HMCN1: variants seen among roughly 807,000 people sequenced by gnomAD.
The protein encoded by HMCN1 is hemicentin-1.
HMCN1 carries 321 observed loss-of-function variants against 625.9 expected under a neutral mutation model. The observed-to-expected ratio is 0.51, with a 90% confidence interval of 0.47 to 0.56. The LOEUF (loss-of-function observed/expected upper bound fraction) is 0.56, where lower values mean the gene tolerates loss of function less well. Ranked by LOEUF, HMCN1 falls within the 20% of genes least tolerant of loss-of-function variation. The probability of loss-of-function intolerance (pLI) is 0.00; values close to 1 mark genes in which losing one functional copy is unlikely to be tolerated. For missense variants in HMCN1, 6,588 were observed against 6,887.3 expected, an observed-to-expected ratio of 0.96 and a Z score of 1.54; for synonymous variants, 2,425 against 2,417.6, an observed-to-expected ratio of 1.00 and a Z score of -0.09.
intron 2 of HMCN1, among the ~76,000 whole-genome samples, chr1:185,858,881 G>T (rs1327900103): frequency 6.6e-6 from 1 of 151,576 alleles, no homozygotes; most frequent in African/African-American, 2.4e-5. Context: ...CTCTGACTTT[G>T]TGAGGCTTAT....
At position 186,087,790 on chromosome 1, in the gene HMCN1, TA is replaced by T. The variant is rs1158706126; in HGVS notation, c.9364-136del. ...TAGCCAATGCCATTGACTATTTTTA[TA>T]AAAAATAGCAAGATTGCAGAAGGCA... On this transcript the variant is annotated intron_variant, in intron 60 of 106. Coordinates refer to ENST00000271588, the MANE Select transcript of HMCN1 (RefSeq NM_031935.3). 42 of 1,151,260 alleles carry T rather than the reference TA, an allele frequency of 3.6e-5. No homozygotes were observed. The East Asian group carries it at 9.3e-4, about 25-fold the overall frequency. The allele number at this position is 1,151,260 out of a possible 1,614,324, so 71.3% of individuals were successfully genotyped here. A position where few individuals can be genotyped will look rare whatever the true frequency, so the allele number is the denominator to read the frequency against.
chr1:186,183,846 A>T (rs1197994770), intron 105 of HMCN1, among the ~76,000 whole-genome samples: 1 of 152,040 alleles, frequency 6.6e-6, no homozygotes, highest in Non-Finnish European at 1.5e-5. Context: ...CTTTGTCCAG[A>T]TATTACCACT....
rs780687562 is a variant in HMCN1, at chr1:186,166,901, G to A, written c.15533G>A (p.Gly5178Glu). 4.3e-6 allele frequency: 7 copies of A among 1,614,144 alleles called. No homozygotes were observed. Among genetic ancestry groups the A allele is most frequent in the South Asian group, 3.3e-5 (3 of 91,078 alleles). Residue 5178 changes from glycine (G) to glutamate (E), a missense_variant, in exon 100 of 107, where the codon GGA (glycine) becomes GAA (glutamate). This residue lies in a region of HMCN1 where 1,954 missense variants were observed against 2,013.1 expected (regional missense o/e 0.97). Coordinates refer to ENST00000271588, the MANE Select transcript of HMCN1 (RefSeq NM_031935.3). ...TCTTATCGCTGTGTGGTCCGTTGTG[G>A]AAGTGGCTTTCGAAGAACCTCTGAT... Reference protein sequence around the residue: ...IGSYRCVVRCGSGFRRTSDGL... With the variant: ...IGSYRCVVRCESGFRRTSDGL...
intron 11 of HMCN1, among the ~76,000 whole-genome samples, chr1:185,961,995 T>A (rs1269582985): frequency 6.6e-6 from 1 of 152,174 alleles, no homozygotes; most frequent in East Asian, 1.9e-4. Context: ...ATGCAAGGGA[T>A]GTTAAATGCT....
chr1:185,806,546 C>A (rs1298055910), intron 1 of HMCN1, among the ~76,000 whole-genome samples: 35 of 103,328 alleles, frequency 3.4e-4, no homozygotes, highest in South Asian at 6.8e-4. Context: ...GACCCTGTCT[C>A]AAAAAAAAAA....
chr1:186,037,605 C>T (rs1382149431), intron 36 of HMCN1, among the ~76,000 whole-genome samples: 3 of 152,038 alleles, frequency 2.0e-5, no homozygotes, highest in Non-Finnish European at 4.4e-5. Flanking sequence ...CTAATTACTT[C>T]TTGGTAAAGA....
chr1:186,176,913 A>C (rs1429390028), intron 103 of HMCN1: 1 of 152,890 alleles, frequency 6.5e-6, no homozygotes, highest in South Asian at 2.1e-4. Context: ...TCACGCCTGT[A>C]ATCCCAGCAC....
At chr1:185,995,508 A>G (rs1347062597) in intron 24 of HMCN1, among the ~76,000 whole-genome samples, 1 of 152,114 alleles carries the variant, frequency 6.6e-6, no homozygotes, top group Non-Finnish European at 1.5e-5. Context: ...TTTAAAGATC[A>G]ATGTTTATTT....
At chr1:186,165,043 G>C (rs1651789530) in intron 97 of HMCN1, 68 bp from the exon 98 acceptor site, 3 of 1,300,950 alleles carry the variant, frequency 2.3e-6, no homozygotes, top group Non-Finnish European at 3.3e-6. Context: ...AGGGAAGATG[G>C]TACTGGAAAG....
chr1:185,815,849 A>G (rs1659814811), intron 1 of HMCN1, among the ~76,000 whole-genome samples: 1 of 150,244 alleles, frequency 6.7e-6, no homozygotes, highest in Non-Finnish European at 1.5e-5. Context: ...ATTGCTGAGC[A>G]TCAATTTGAT....
intron 1 of HMCN1, among the ~76,000 whole-genome samples, chr1:185,776,685 G>A (rs915804884): frequency 5.9e-5 from 9 of 152,022 alleles, no homozygotes; most frequent in Non-Finnish European, 8.8e-5. Context: ...AAATATATAT[G>A]CTTTTAGCAT....
rs911955713 is a variant in HMCN1 at position 186,015,176 on chromosome 1, G to A, written c.4648G>A (p.Gly1550Arg). Residue 1550 changes from glycine to arginine, a missense_variant, in exon 31 of 107, where the codon GGA becomes AGA. By Grantham distance (125) the Gly-to-Arg change is moderately radical. Around this residue, in one of 3 missense-constraint regions of HMCN1, gnomAD observed 4,628 missense variants for 4,853.1 expected, o/e 0.95. Transcript: ENST00000271588. ...CTTTGTAGTTCCACCTAGTATTAAA[G>A]GAGGAAATGTCACCACAGACATATC... ...LTIYIPPSIK[G>R]GNVTTDISVL... 4 of 1,613,364 alleles carry A rather than the reference G, an allele frequency of 2.5e-6. No individual in the cohort carries two copies. The African/African-American group carries it at 4.0e-5, about 16-fold the overall frequency.
chr1:185,984,505 A>G (rs1171817806), intron 19 of HMCN1, among the ~76,000 whole-genome samples, 192 bp downstream of exon 19: 1 of 152,204 alleles, frequency 6.6e-6, no homozygotes, highest in Non-Finnish European at 1.5e-5. Context: ...ACAAAAAGAC[A>G]TTCTTGGGAG....
In HMCN1 at chr1:186,120,117, C is replaced by T. The variant is rs1233811896; in HGVS notation, c.12201C>T (p.Ala4067=). The change falls in exon 80 of 107, where the codon GCC becomes GCT. Residue 4067 remains alanine (A), a synonymous_variant. Transcript: ENST00000271588. The stretch of plus-strand genomic sequence containing the variant: ...TGGCCCAGAACCCGGCTGGTACAGC[C>T]TTGGGCAAAATCAAGTTAAATGTCC... ...MCVAQNPAGT[A]LGKIKLNVQV... 1.1e-5 allele frequency: 18 copies of T among 1,613,776 alleles called. No homozygotes were observed. Among genetic ancestry groups the T allele is most frequent in the Non-Finnish European group, 1.4e-5 (17 of 1,179,938 alleles).
intron 11 of HMCN1, among the ~76,000 whole-genome samples, chr1:185,955,330 C>T (rs1233682370): frequency 6.6e-6 from 1 of 152,098 alleles, no homozygotes; most frequent in African/African-American, 2.4e-5. Context: ...CTACACAATT[C>T]TTTTAACATT....
rs1053723281 is a variant in HMCN1 at position 185,752,082 on chromosome 1, CT to C, written c.268+17042del. 1.6e-4 allele frequency among the ~76,000 whole-genome samples: 25 copies of C among 152,032 alleles called. 1 individual carries two copies. Among genetic ancestry groups the C allele is most frequent in the Admixed American group, 1.5e-3 (23 of 15,260 alleles). ...CTTTCTACAGAGGGGTTTGCATTTG[CT>C]TTTTTTGGGATTCCAAAATTAGCTT... On this transcript the variant is annotated intron_variant, in intron 1 of 106. Transcript: ENST00000271588.
At chr1:186,159,947 G>C (rs1231686533) in intron 97 of HMCN1, among the ~76,000 whole-genome samples, 1 of 152,014 alleles carries the variant, frequency 6.6e-6, no homozygotes, top group Non-Finnish European at 1.5e-5. Context: ...AAATGAGTTA[G>C]GGAGGATTCC....
At chr1:186,025,144 C>T (rs1302406371) in intron 36 of HMCN1, among the ~76,000 whole-genome samples, 1 of 152,036 alleles carries the variant, frequency 6.6e-6, no homozygotes, top group East Asian at 1.9e-4. Context: ...ATGCACAGTT[C>T]ACAATAGGGT....
intron 2 of HMCN1, among the ~76,000 whole-genome samples, chr1:185,856,358 C>T (rs553305372): frequency 1.3e-5 from 2 of 151,922 alleles, no homozygotes; most frequent in Admixed American, 6.6e-5. Context: ...GGCATGGTGG[C>T]GGGCACCTGT....
Sources: gnomAD v4.1 joint callset for allele counts (sites outside exome capture counted in the v4.1 genomes callset) on GRCh38, gnomAD v4.1.1 for gene constraint, gnomAD v4.1.1 regional missense constraint, MANE v1.5 for transcripts, NCBI Gene and HGNC (gene_info 2026-07-23, HGNC 2026-07-21) for gene names.